NLK: variants seen among roughly 807,000 people sequenced by gnomAD.
The protein encoded by NLK is nemo like kinase, also known as serine/threonine-protein kinase NLK.
Under a neutral mutation model 59.0 loss-of-function variants are expected in NLK, and 11 were observed. The observed-to-expected ratio is 0.19, with a 90% CI of 0.12 to 0.31. The LOEUF (loss-of-function observed/expected upper bound fraction) is 0.31, where lower values mean the gene tolerates loss of function less well. NLK is among the 10% of genes least tolerant of loss of function. The pLI is 1.00. For missense variants in NLK, 410 were observed against 661.1 expected (o/e 0.62, Z 4.16); for synonymous variants, 235 against 235.9 (o/e 1.00, Z 0.03).
chr17:28,142,798 T>C (rs939106270), intron 3 of NLK, among the ~76,000 whole-genome samples: 6 of 152,138 alleles, frequency 3.9e-5, no homozygotes, highest in African/African-American at 1.2e-4. Context: ...CAGACAGGAA[T>C]GGCAGGATTT....
chr17:28,095,580 T>C (rs1904672236), intron 1 of NLK, among the ~76,000 whole-genome samples: 1 of 152,180 alleles, frequency 6.6e-6, no homozygotes, highest in Admixed American at 6.5e-5. Flanking sequence ...TCAAGGACTT[T>C]ATTATAAAGC....
intron 1 of NLK, among the ~76,000 whole-genome samples, chr17:28,051,655 C>CTTTTTTTTTT (rs749091116): frequency 1.0e-4 from 14 of 137,938 alleles, no homozygotes; most frequent in African/African-American, 2.9e-4. Context: ...CTGCGCCCGG[C>CTTTTTTTTTT]TTTTTTTTTT....
At position 28,185,190 on chromosome 17, in the gene NLK, T is replaced by A. The variant is rs1231714219; in HGVS notation, c.1161T>A (p.Pro387=). 6.3e-7 allele frequency: 1 copy of A among 1,579,092 alleles called. No homozygotes were observed. Among genetic ancestry groups the A allele is most frequent in the East Asian group, 2.3e-5 (1 of 43,698 alleles). The change falls in exon 8 of 11, where the codon CCT becomes CCA. Residue 387 remains proline, a synonymous_variant. Coordinates refer to ENST00000407008, the MANE Select transcript of NLK (RefSeq NM_016231.5). ...LRGPHKQPSL[P]VLYTLSSQAT... ...TAATTTTTTCACAGCCATCTCTTCC[T>A]GTACTCTATACCCTGTCTAGCCAGG... is the stretch of plus-strand genomic sequence containing the variant.
intron 1 of NLK, among the ~76,000 whole-genome samples, chr17:28,121,479 C>G (rs1490552154): frequency 6.3e-5 from 5 of 79,816 alleles, no homozygotes; most frequent in Admixed American, 6.1e-4. Context: ...ATTGGTATTT[C>G]TTTTTTCTTT....
At chr17:28,179,329 A>T (rs1011972019) in intron 7 of NLK, among the ~76,000 whole-genome samples, 2 of 152,120 alleles carry the variant, frequency 1.3e-5, no homozygotes, top group African/African-American at 4.8e-5. Flanking sequence ...TTCCAGGCTC[A>T]AGCAATCCTC....
chr17:28,118,427 C>T (rs1905875332), intron 1 of NLK, among the ~76,000 whole-genome samples: 1 of 152,128 alleles, frequency 6.6e-6, no homozygotes, highest in East Asian at 1.9e-4. Flanking sequence ...TTTAAAACTG[C>T]TAACACATGG....
chr17:28,087,439 A>G (rs1910552716), intron 1 of NLK, among the ~76,000 whole-genome samples: 1 of 152,206 alleles, frequency 6.6e-6, no homozygotes, highest in Non-Finnish European at 1.5e-5. Context: ...TATCAGAGAT[A>G]CTGTAGAAAT....
chr17:28,065,611 G>T (rs1449217394), intron 1 of NLK, among the ~76,000 whole-genome samples: 2 of 152,144 alleles, frequency 1.3e-5, no homozygotes, highest in African/African-American at 4.8e-5. Context: ...AGAATGGTTT[G>T]GAGTAGGAAC....
rs374446864 is a variant in NLK, at chr17:28,117,188, G to T, written c.459-5415G>T. Among the ~76,000 whole-genome samples the T allele has an allele frequency of 4.0e-4, 61 of 152,284 alleles. 1 individual carries two copies. Among genetic ancestry groups the T allele is most frequent in the African/African-American group, 1.4e-3 (58 of 41,568 alleles). On this transcript the variant is annotated intron_variant, in intron 1 of 10. Transcript: ENST00000407008. Reference sequence around the variant, plus strand: ...AACAGTGACTGAGGAGGAAGTCTCTGTATCTCCCCAGCATCTATAGTATAG... The same window carrying T: ...AACAGTGACTGAGGAGGAAGTCTCTTTATCTCCCCAGCATCTATAGTATAG...
chr17:28,134,158 T>C (rs1906636067), intron 3 of NLK, among the ~76,000 whole-genome samples: 2 of 152,066 alleles, frequency 1.3e-5, no homozygotes, highest in Admixed American at 1.3e-4. Context: ...TTTGGGAGGC[T>C]CAGGCAGGGT....
chr17:28,055,265 A>G (rs1909402276), intron 1 of NLK, among the ~76,000 whole-genome samples: 1 of 151,520 alleles, frequency 6.6e-6, no homozygotes, highest in South Asian at 2.1e-4. Flanking sequence ...GCTAATTCTT[A>G]TATTTTTAGT....
chr17:28,132,452 C>T (rs1292317106), intron 2 of NLK, among the ~76,000 whole-genome samples, 168 bp from the exon 3 acceptor site: 1 of 152,124 alleles, frequency 6.6e-6, no homozygotes, highest in Non-Finnish European at 1.5e-5. Flanking sequence ...TGTACGAATC[C>T]ATCTTAATGT....
chr17:28,168,397 C>T, intron 5 of NLK, 51 bp from the exon 6 acceptor site: 9 of 1,281,684 alleles, frequency 7.0e-6, no homozygotes, highest in Non-Finnish European at 9.0e-6. Flanking sequence ...TTTTGTTTTA[C>T]TCTTTCATTT....
At chr17:28,113,656 A>G (rs1905624041) in intron 1 of NLK, among the ~76,000 whole-genome samples, 1 of 152,144 alleles carries the variant, frequency 6.6e-6, no homozygotes, top group African/African-American at 2.4e-5. Flanking sequence ...GCTTTACTGC[A>G]ACCTGTTTTA....
intron 3 of NLK, among the ~76,000 whole-genome samples, chr17:28,146,011 G>T (rs1479756071): frequency 6.6e-6 from 1 of 152,154 alleles, no homozygotes; most frequent in African/African-American, 2.4e-5. Flanking sequence ...CAGCCAAAAG[G>T]AGCTTTTTTG....
intron 1 of NLK, among the ~76,000 whole-genome samples, chr17:28,062,279 A>C (rs1167381709): frequency 6.6e-6 from 1 of 152,112 alleles, no homozygotes; most frequent in Non-Finnish European, 1.5e-5. Context: ...TCATGATCAA[A>C]AGAGTTCTGT....
At chr17:28,113,818 C>T (rs1416061540) in intron 1 of NLK, among the ~76,000 whole-genome samples, 1 of 152,158 alleles carries the variant, frequency 6.6e-6, no homozygotes, top group East Asian at 1.9e-4. Flanking sequence ...AATTCAAACG[C>T]CTCTGACACT....
chr17:28,133,231 C>T (rs1277870768), intron 3 of NLK, among the ~76,000 whole-genome samples: 2 of 152,154 alleles, frequency 1.3e-5, no homozygotes, highest in African/African-American at 2.4e-5. Context: ...TTTAATCCTA[C>T]AAACATTCTC....
chr17:28,162,016 C>T (rs1332897184), intron 4 of NLK, among the ~76,000 whole-genome samples: 1 of 151,892 alleles, frequency 6.6e-6, no homozygotes, highest in Non-Finnish European at 1.5e-5. Context: ...GATGAAAACA[C>T]ATAAGCAATT....
Sources: gnomAD v4.1 joint callset for allele counts (sites outside exome capture counted in the v4.1 genomes callset) on GRCh38, gnomAD v4.1.1 for gene constraint, MANE v1.5 for transcripts, NCBI Gene and HGNC (gene_info 2026-07-23, HGNC 2026-07-21) for gene names.